Variants in EIF3D observed in about 807,000 individuals in gnomAD.
The protein encoded by EIF3D is eIF3 p66.
In EIF3D, 10 loss-of-function variants were observed where a neutral mutation model predicts 75.4. That is an observed-to-expected ratio of 0.13 (90% CI 0.08 to 0.22). The LOEUF is 0.22. Among genes scored for constraint, EIF3D ranks in the 10% least tolerant of loss-of-function variants. The pLI is 1.00. For missense variants in EIF3D, 394 were observed against 708.0 expected, an observed-to-expected ratio of 0.56 and a Z score of 5.03; for synonymous variants, 246 against 248.3, an observed-to-expected ratio of 0.99 and a Z score of 0.09.
chr22:36,521,205 A>G (rs1934507256), intron 6 of EIF3D, among the ~76,000 whole-genome samples: 1 of 152,068 alleles, frequency 6.6e-6, no homozygotes, highest in East Asian at 1.9e-4. Flanking sequence ...GTCTCAATAA[A>G]AGAGAGAAAA....
At chr22:36,524,022 T>C (rs925781504) in intron 4 of EIF3D, 42 bp from the exon 5 acceptor site, 3 of 1,606,038 alleles carry the variant, frequency 1.9e-6, no homozygotes, top group Non-Finnish European at 2.6e-6. Context: ...ATCTTGGAGA[T>C]TTGGCTCACA....
At chr22:36,514,985 C>G (rs994550051) in intron 12 of EIF3D, among the ~76,000 whole-genome samples, 2 of 152,098 alleles carry the variant, frequency 1.3e-5, no homozygotes, top group Admixed American at 1.3e-4. Context: ...CCAACCTCCC[C>G]CCTCTCTTTC....
chr22:36,514,912 C>T (rs1934399287), intron 12 of EIF3D, among the ~76,000 whole-genome samples: 1 of 152,078 alleles, frequency 6.6e-6, no homozygotes. Context: ...GGGCAGACTT[C>T]CCCCTTTGGC....
intron 7 of EIF3D, among the ~76,000 whole-genome samples, chr22:36,520,219 A>G (rs1934490848): frequency 6.6e-6 from 1 of 151,706 alleles, no homozygotes; most frequent in South Asian, 2.1e-4. Flanking sequence ...TGCAATGGCA[A>G]GATCTCAGCT....
rs771057229 is a variant in EIF3D, at chr22:36,510,940, C to T, written c.*47G>A. 7 of 1,583,746 alleles carry T rather than the reference C, an allele frequency of 4.4e-6. No homozygotes were observed. Among genetic ancestry groups the T allele is most frequent in the Non-Finnish European group, 5.1e-6 (6 of 1,169,040 alleles). Reference sequence around the variant, plus strand: ...ACACATTCCACTAAGCATCAAAGGCCCTCGTAGTCTCGGTGGAAGGACAAA... The same window carrying T: ...ACACATTCCACTAAGCATCAAAGGCTCTCGTAGTCTCGGTGGAAGGACAAA... On this transcript the variant is annotated 3_prime_UTR_variant, in exon 15 of 15. Coordinates refer to ENST00000216190, the MANE Select transcript of EIF3D (RefSeq NM_003753.4).
chr22:36,520,535 A>C (rs1223352315), intron 7 of EIF3D, 41 bp downstream of exon 7: 7 of 1,412,160 alleles, frequency 5.0e-6, no homozygotes, highest in Non-Finnish European at 7.0e-6. Context: ...TGGTCCACAC[A>C]CATAAGAGCA....
chr22:36,511,645 G>A lies in EIF3D; in HGVS notation c.1491C>T (p.Ile497=), dbSNP rs1934338856. The change falls in exon 14 of 15, where the codon ATC becomes ATT. Residue 497 remains isoleucine (I), a synonymous_variant. Coordinates refer to ENST00000216190, the MANE Select transcript of EIF3D (RefSeq NM_003753.4). ...AWGILRCVID[I]CMKLEEGKYL... is the part of the protein sequence containing the mutation. The stretch of plus-strand genomic sequence containing the variant: ...ATTTGCCCTCCTCCAGCTTCATGCA[G>A]ATGTCAATGACGCAGCGTAAAATGC... 1 of 1,614,066 alleles carries A rather than the reference G, an allele frequency of 6.2e-7. No individual in the cohort carries two copies. The highest frequency in any genetic ancestry group is 1.3e-5 in the African/African-American group (1 of 74,920).
At chr22:36,517,457 A>C (rs1210485518) in intron 9 of EIF3D, 26 bp from the exon 10 acceptor site, 21 of 1,594,858 alleles carry the variant, frequency 1.3e-5, no homozygotes, top group Non-Finnish European at 1.8e-5. Context: ...ATGGTCACTC[A>C]CCATGCAACA....
At chr22:36,520,072 G>A (rs1985125888) in intron 7 of EIF3D, among the ~76,000 whole-genome samples, 1 of 151,910 alleles carries the variant, frequency 6.6e-6, no homozygotes, top group Non-Finnish European at 1.5e-5. Context: ...CAAAAGAGTT[G>A]TATAACTCAT....
chr22:36,516,901 G>A (rs1022886657), intron 10 of EIF3D, 111 bp from the exon 11 acceptor site: 7 of 980,186 alleles, frequency 7.1e-6, no homozygotes, highest in Admixed American at 5.7e-5. Flanking sequence ...GGTTCCTGGG[G>A]CCCTTGATGG....
chr22:36,511,453 G>A (rs374311268), intron 14 of EIF3D, 50 bp downstream of exon 14: 5 of 1,600,622 alleles, frequency 3.1e-6, no homozygotes, highest in Non-Finnish European at 2.6e-6. Flanking sequence ...GCTTGCTCCC[G>A]TGCTAGCCCA....
intron 1 of EIF3D, among the ~76,000 whole-genome samples, chr22:36,528,128 A>C (rs980026487): frequency 2.0e-5 from 3 of 152,076 alleles, no homozygotes; most frequent in Non-Finnish European, 4.4e-5. Context: ...TTTAGAGGCA[A>C]AAATTTGAAG....
At chr22:36,521,497 C>T (rs867586425) in intron 6 of EIF3D, among the ~76,000 whole-genome samples, 3 of 152,134 alleles carry the variant, frequency 2.0e-5, no homozygotes. Context: ...CACAAGCACA[C>T]GCAGGTGAAC....
chr22:36,526,422 G>T (rs541601863), intron 1 of EIF3D, among the ~76,000 whole-genome samples: 1 of 152,090 alleles, frequency 6.6e-6, no homozygotes, highest in African/African-American at 2.4e-5. Flanking sequence ...TGTTTGACAG[G>T]GTGTTGTATT....
In EIF3D at chr22:36,528,456, G is replaced by A. The variant is rs1173025511; in HGVS notation, c.-11+620C>T. Among the ~76,000 whole-genome samples, 3 of 151,546 alleles carry A rather than the reference G, an allele frequency of 2.0e-5. No individual in the cohort carries two copies. The East Asian group carries it at 5.8e-4, about 29-fold the overall frequency. ...TAAGAGCAGAGCGGAACCAGGAGGA[G>A]AAACTGAGCCGCTCAGCAAAAACGA... is the stretch of plus-strand genomic sequence containing the variant. On this transcript the variant is annotated intron_variant, in intron 1 of 14. Transcript: ENST00000216190.
At position 36,511,630 on chromosome 22, in the gene EIF3D, C is replaced by G. The variant is rs764690410; in HGVS notation, c.1506G>C (p.Glu502Asp). The G allele has an allele frequency of 8.1e-6, 13 of 1,614,058 alleles. No individual in the cohort carries two copies. The highest frequency in any genetic ancestry group is 1.1e-5 in the Non-Finnish European group (13 of 1,180,040). The change falls in exon 14 of 15, where the codon GAG becomes GAC. Residue 502 changes from glutamate to aspartate, a missense_variant. Transcript: ENST00000216190. ...RCVIDICMKL[E>D]EGKYLILKDP... ...CCTTGAGGATGAGGTATTTGCCCTC[C>G]TCCAGCTTCATGCAGATGTCAATGA...
intron 13 of EIF3D, 83 bp from the exon 14 acceptor site, chr22:36,511,869 G>T: frequency 6.5e-7 from 1 of 1,540,142 alleles, no homozygotes; most frequent in South Asian, 1.2e-5. Context: ...ATTAAATGGT[G>T]ATACCTGGTC....
intron 5 of EIF3D, 106 bp downstream of exon 5, chr22:36,523,789 T>C (rs1030554369): frequency 1.8e-6 from 2 of 1,084,484 alleles, no homozygotes; most frequent in Admixed American, 3.5e-5. Flanking sequence ...TATTTTCCTT[T>C]TTTGCAGTGG....
chr22:36,511,982 C>A (rs1004897794), intron 13 of EIF3D, among the ~76,000 whole-genome samples, 196 bp from the exon 14 acceptor site: 6 of 151,568 alleles, frequency 4.0e-5, no homozygotes, highest in African/African-American at 1.5e-4. Flanking sequence ...GCTCCGCCTC[C>A]CGGGTTCACA....
Sources: allele counts gnomAD v4.1 joint callset (sites outside exome capture counted in the v4.1 genomes callset), GRCh38; gene constraint gnomAD v4.1.1; transcripts MANE v1.5; gene names NCBI Gene and HGNC (gene_info 2026-07-23, HGNC 2026-07-21).